USP34: variants seen among roughly 807,000 people sequenced by gnomAD.
USP34 encodes ubiquitin carboxyl-terminal hydrolase 34.
USP34 carries 70 observed loss-of-function variants against 460.3 expected under a neutral mutation model. That is an observed-to-expected ratio of 0.15 (90% confidence interval 0.13 to 0.19). The LOEUF is 0.19. Ranked by LOEUF, USP34 falls within the 10% of genes least tolerant of loss-of-function variation. USP34 has a pLI of 1.00. For synonymous variants in USP34, 1,647 were observed against 1,405.3 expected, an observed-to-expected ratio of 1.17 and a Z score of -3.85; for missense variants, 3,985 against 4,236.2, an observed-to-expected ratio of 0.94 and a Z score of 1.65.
chr2:61,217,289 C>T (rs1331047735), intron 67 of USP34, among the ~76,000 whole-genome samples: 2 of 152,202 alleles, frequency 1.3e-5, no homozygotes, highest in Admixed American at 6.5e-5. Context: ...CTACAAAAAA[C>T]ATTAAGTCTA....
intron 1 of USP34, among the ~76,000 whole-genome samples, chr2:61,433,764 C>T (rs1490132269): frequency 1.3e-5 from 2 of 152,158 alleles, no homozygotes; most frequent in African/African-American, 4.8e-5. Flanking sequence ...GCTCCCCAAC[C>T]CCCACCTACC....
chr2:61,412,170 CA>C (rs1174108071), intron 2 of USP34, among the ~76,000 whole-genome samples: 1 of 74,918 alleles, frequency 1.3e-5, no homozygotes. Context: ...GCCTGGGCAA[CA>C]AGAGCGAAAC....
At chr2:61,326,777 ATTTTTTTT>A (rs35060068) in intron 20 of USP34, among the ~76,000 whole-genome samples, 1 of 103,034 alleles carries the variant, frequency 9.7e-6, no homozygotes, top group African/African-American at 3.7e-5. Flanking sequence ...GTCAATGGGC[ATTTTTTTT>A]TTTTTTTTTT....
intron 74 of USP34, among the ~76,000 whole-genome samples, chr2:61,203,921 A>G (rs532301733): frequency 1.6e-5 from 2 of 127,818 alleles, no homozygotes; most frequent in South Asian, 5.6e-4. Flanking sequence ...CATTGATTAT[A>G]TGGCCAAATT....
At chr2:61,340,710 T>C (rs1691570015) in intron 16 of USP34, among the ~76,000 whole-genome samples, 1 of 152,222 alleles carries the variant, frequency 6.6e-6, no homozygotes, top group African/African-American at 2.4e-5. Flanking sequence ...TTATTAGCCA[T>C]GTGTATACCT....
chr2:61,402,187 G>A (rs1693740881), intron 3 of USP34, among the ~76,000 whole-genome samples: 2 of 152,054 alleles, frequency 1.3e-5, no homozygotes, highest in Non-Finnish European at 2.9e-5. Context: ...GGCTGAGGTG[G>A]GTGGATCGTT....
Position 61,251,175 on chromosome 2 carries a change from G to A in USP34, c.6222-2492C>T, listed in dbSNP as rs770158534. On this transcript the variant is annotated intron_variant, in intron 48 of 79. Coordinates refer to ENST00000398571, the MANE Select transcript of USP34 (RefSeq NM_014709.4). ...TAAATAAATAAGTAAATAAATAAAC[G>A]AATCTACTGTAAAAACTTGGTAGTA... Among the ~76,000 whole-genome samples, 7 of 151,872 alleles carry A rather than the reference G, an allele frequency of 4.6e-5. No individual in the cohort carries two copies. In the East Asian group the frequency reaches 5.8e-4, roughly 13 times the overall value.
In USP34 at chr2:61,470,734, C is replaced by T; in HGVS notation, c.-42G>A. 5.8e-6 allele frequency: 9 copies of T among 1,555,008 alleles called. No homozygotes were observed. The highest frequency in any genetic ancestry group is 2.5e-5 in the East Asian group (1 of 40,200). ...CCCCCCTCCCCCGCTTCGGATCACA[C>T]TGACTGATCCCGACCGGCGGGGGGG... On this transcript the variant is annotated 5_prime_UTR_variant, in exon 1 of 80. The change creates a new upstream start codon in the 5' untranslated region. Transcript: ENST00000398571.
At chr2:61,316,062 T>C (rs1368282760) in intron 23 of USP34, among the ~76,000 whole-genome samples, 2 of 148,008 alleles carry the variant, frequency 1.4e-5, no homozygotes, top group Admixed American at 1.4e-4. Flanking sequence ...AAAAAAAAAT[T>C]AGCCAGGCAG....
At chr2:61,431,083 G>A (rs1694663081) in intron 1 of USP34, among the ~76,000 whole-genome samples, 1 of 152,176 alleles carries the variant, frequency 6.6e-6, no homozygotes, top group Admixed American at 6.5e-5. Context: ...CTAGACACTG[G>A]AAAGGTTAGA....
At chr2:61,210,736 G>A (rs1272302801) in intron 69 of USP34, among the ~76,000 whole-genome samples, 2 of 149,960 alleles carry the variant, frequency 1.3e-5, no homozygotes, top group Non-Finnish European at 3.0e-5. Context: ...TTCTTTTTTT[G>A]AGACTCGCTC....
intron 10 of USP34, among the ~76,000 whole-genome samples, chr2:61,363,285 T>C (rs573179796): frequency 6.6e-6 from 1 of 152,306 alleles, no homozygotes; most frequent in African/African-American, 2.4e-5. Flanking sequence ...GCAGCTTTTG[T>C]GCAAAACAAT....
Position 61,312,389 on chromosome 2 carries a change from A to G in USP34, c.3543-479T>C, listed in dbSNP as rs1461471772. 2.6e-5 allele frequency among the ~76,000 whole-genome samples: 4 copies of G among 152,284 alleles called. No individual in the cohort carries two copies. The East Asian group carries it at 7.7e-4, about 29-fold the overall frequency. On this transcript the variant is annotated intron_variant, in intron 25 of 79. Transcript: ENST00000398571. ...GAGTCAATTCATGGCTGTTAAAATT[A>G]TAAAGTGAATTACAAAGACTTGTAT...
intron 3 of USP34, among the ~76,000 whole-genome samples, chr2:61,400,118 T>C (rs921499783): frequency 3.3e-5 from 5 of 151,876 alleles, no homozygotes; most frequent in African/African-American, 9.6e-5. Flanking sequence ...CAATTTTTTT[T>C]TTTTTTTTGG....
Position 61,227,153 on chromosome 2 carries a change from A to T in USP34, c.7509T>A (p.Ser2503=), listed in dbSNP as rs781155064. ...CTGGCCTGTATTTTTCTTCTGCCAGAGAGAGGATATCTTCTTCCTCCTCTT... is the reference window on the plus strand; with the variant it reads ...CTGGCCTGTATTTTTCTTCTGCCAGTGAGAGGATATCTTCTTCCTCCTCTT... ...EEEEEEEDIL[S]LAEEKYRPAA... The change falls in exon 62 of 80, where the codon TCT becomes TCA. Residue 2503 remains serine (S), a synonymous_variant. Transcript: ENST00000398571. 27 of 1,613,912 alleles carry T rather than the reference A, an allele frequency of 1.7e-5. No homozygotes were observed. The highest frequency in any genetic ancestry group is 1.6e-4 in the Middle Eastern group (1 of 6,084).
chr2:61,469,995 T>C (rs1202550579), intron 1 of USP34, among the ~76,000 whole-genome samples: 1 of 152,244 alleles, frequency 6.6e-6, no homozygotes, highest in Non-Finnish European at 1.5e-5. Context: ...TACAGTGCTC[T>C]GCTTAACAGA....
At chr2:61,367,653 A>G (rs1462301246) in intron 10 of USP34, among the ~76,000 whole-genome samples, 1 of 152,218 alleles carries the variant, frequency 6.6e-6, no homozygotes, top group Admixed American at 6.5e-5. Flanking sequence ...TAAAAGAAAT[A>G]GCAACATAAT....
At chr2:61,190,711 T>A (rs1686613590) in intron 76 of USP34, 53 bp from the exon 77 acceptor site, 1 of 1,555,670 alleles carries the variant, frequency 6.4e-7, no homozygotes, top group Non-Finnish European at 8.6e-7. Context: ...GGAAAAAACT[T>A]ACACGGAAAA....
In USP34 at chr2:61,213,958, G is replaced by A. The variant is rs996838925; in HGVS notation, c.8682+102C>T. On this transcript the variant is annotated intron_variant, in intron 68 of 79. Coordinates refer to ENST00000398571, the MANE Select transcript of USP34 (RefSeq NM_014709.4). ...ACACATTAAGTTCTTAAGAAAGAAT[G>A]GTGAGACTATTCTATATTCTGCCAC... The A allele has an allele frequency of 3.0e-6, 4 of 1,340,284 alleles. No homozygotes were observed. The Admixed American group carries it at 7.0e-5, about 23-fold the overall frequency. 83.0% of individuals were successfully genotyped at this position (1,340,284 alleles called of 1,614,324 possible). A position where few individuals can be genotyped will look rare whatever the true frequency, so the allele number is the denominator to read the frequency against.
Sources: gnomAD v4.1 joint callset for allele counts (sites outside exome capture counted in the v4.1 genomes callset) on GRCh38, gnomAD v4.1.1 for gene constraint, MANE v1.5 for transcripts, NCBI Gene and HGNC (gene_info 2026-07-23, HGNC 2026-07-21) for gene names.